The following ATAD2B variants were observed in gnomAD, a reference collection of about 807,000 sequenced individuals.
ATAD2B encodes ATPase family AAA domain containing 2B, also known as ATPase family AAA domain-containing protein 2B.
ATAD2B carries 40 observed loss-of-function variants against 167.6 expected under a neutral mutation model. The observed-to-expected ratio is 0.24, with a 90% CI of 0.19 to 0.31. ATAD2B has a LOEUF of 0.31. ATAD2B is among the 10% of genes least tolerant of loss of function. The pLI, the probability that ATAD2B is intolerant of heterozygous loss-of-function variation, is 1.00. For missense variants in ATAD2B, 1,242 were observed against 1,757.2 expected (o/e 0.71, Z 5.24); for synonymous variants, 579 against 596.5 (o/e 0.97, Z 0.43).
intron 13 of ATAD2B, 137 bp downstream of exon 13, chr2:23,857,278 A>T (rs1231233014): frequency 1.2e-5 from 6 of 508,860 alleles, no homozygotes; most frequent in Non-Finnish European, 1.4e-5. Context: ...CTGTACTAAG[A>T]GAAAGAAGTA....
chr2:23,851,255 C>T (rs1692515422), intron 13 of ATAD2B, among the ~76,000 whole-genome samples: 2 of 152,182 alleles, frequency 1.3e-5, no homozygotes, highest in South Asian at 4.1e-4. Context: ...AAGTGATCCT[C>T]TCACGTCAGC....
At chr2:23,793,384 C>T (rs570825060) in intron 19 of ATAD2B, among the ~76,000 whole-genome samples, 1 of 152,290 alleles carries the variant, frequency 6.6e-6, no homozygotes, top group African/African-American at 2.4e-5. Context: ...ACATTCCTTC[C>T]TACAAATATC....
the ATAD2B span, among the ~76,000 whole-genome samples, chr2:23,686,801 G>C: frequency 1.3e-5 from 2 of 152,150 alleles, no homozygotes; most frequent in Admixed American, 1.3e-4. Flanking sequence ...GGGCTGGGGG[G>C]CCTTCAGCAT....
At chr2:23,718,625 G>C in the ATAD2B span, among the ~76,000 whole-genome samples, 1 of 152,132 alleles carries the variant, frequency 6.6e-6, no homozygotes, top group African/African-American at 2.4e-5. Context: ...TAGTGTCCTA[G>C]GATTGTTATA....
At position 23,857,523 on chromosome 2, in the gene ATAD2B, T is replaced by C. The variant is rs1394505077; in HGVS notation, c.1480-20A>G. ...ATATGCCTAGTAAGAAGAAAACAAA[T>C]AATATTTATTGTATTTGTTTTCATT... On this transcript the variant is annotated intron_variant, in intron 12 of 27. Transcript: ENST00000238789. 5.4e-6 allele frequency: 6 copies of C among 1,113,076 alleles called. No individual in the cohort carries two copies. 68.9% of individuals were successfully genotyped at this position (1,113,076 alleles called of 1,614,324 possible). A position where few individuals can be genotyped will look rare whatever the true frequency, so the allele number is the denominator to read the frequency against.
At chr2:23,773,527 A>AG (rs1678658580) in intron 22 of ATAD2B, among the ~76,000 whole-genome samples, 1 of 152,164 alleles carries the variant, frequency 6.6e-6, no homozygotes. Flanking sequence ...CTCTTGCGGG[A>AG]GGGAAAAAAA....
At chr2:23,703,798 C>T in the ATAD2B span, 1 of 1,537,520 alleles carries the variant, frequency 6.5e-7, no homozygotes, top group East Asian at 2.4e-5. Context: ...CTACCACCAT[C>T]TACGACCCTG....
intron 2 of ATAD2B, among the ~76,000 whole-genome samples, chr2:23,893,910 T>G (rs1450338011): frequency 2.0e-5 from 3 of 151,952 alleles, no homozygotes; most frequent in Non-Finnish European, 4.4e-5. Context: ...GCAATCCTCC[T>G]GCCTTGGCCT....
chr2:23,769,752 G>T (rs1572679618), intron 22 of ATAD2B, among the ~76,000 whole-genome samples: 1 of 119,176 alleles, frequency 8.4e-6, no homozygotes, highest in East Asian at 2.7e-4. Context: ...GTCTCATTCT[G>T]TCGCCCAGGC....
the ATAD2B span, among the ~76,000 whole-genome samples, chr2:23,698,279 C>CCAA: frequency 1.4e-5 from 2 of 146,010 alleles, no homozygotes; most frequent in East Asian, 4.2e-4. Context: ...CCAGAGTCTG[C>CCAA]CAACTGTCCT....
the ATAD2B span, chr2:23,698,009 T>A: frequency 2.6e-5 from 4 of 152,226 alleles, no homozygotes; most frequent in African/African-American, 9.6e-5. Flanking sequence ...TTTGCAAACT[T>A]ATACTGTTGA....
At chr2:23,768,183 T>A (rs1176456983) in intron 22 of ATAD2B, among the ~76,000 whole-genome samples, 2 of 149,276 alleles carry the variant, frequency 1.3e-5, no homozygotes, top group Non-Finnish European at 3.0e-5. Flanking sequence ...ATACTTAAAG[T>A]ATACAATTTG....
At chr2:23,812,308 CAAAAAA>C (rs61415389) in intron 17 of ATAD2B, among the ~76,000 whole-genome samples, 12 of 140,846 alleles carry the variant, frequency 8.5e-5, no homozygotes, top group African/African-American at 3.1e-4. Flanking sequence ...CTATTCACTG[CAAAAAA>C]AAAAAAAAAT....
rs748401809 is a variant in ATAD2B at position 23,765,549 on chromosome 2, A to C, written c.3213T>G (p.Phe1071Leu). Residue 1071 changes from phenylalanine (F) to leucine (L), a missense_variant, in exon 23 of 28, where the codon TTT becomes TTG. Coordinates refer to ENST00000238789, the MANE Select transcript of ATAD2B (RefSeq NM_017552.4). ...AIIAAELDPE[F>L]NKLCEEIKEA... The stretch of plus-strand genomic sequence containing the variant: ...CCTTAATTTCCTCACAAAGTTTATT[A>C]AATTCTGGATCTAATTCAGCTGCAA... 1 of 1,581,750 alleles carries C rather than the reference A, an allele frequency of 6.3e-7. No individual in the cohort carries two copies. Among genetic ancestry groups the C allele is most frequent in the South Asian group, 1.1e-5 (1 of 87,060 alleles).
At chr2:23,695,553 C>A in the ATAD2B span, 5 of 1,078,538 alleles carry the variant, frequency 4.6e-6, no homozygotes, top group African/African-American at 7.9e-5. This position sits in a 1 kb window ranked among gnomAD's most constrained non-coding sequence, Gnocchi z 7.6. Context: ...AGCCCCACAC[C>A]ATTTCTTTCC....
chr2:23,762,677 C>T (rs1676898200), intron 23 of ATAD2B, among the ~76,000 whole-genome samples: 1 of 152,116 alleles, frequency 6.6e-6, no homozygotes, highest in South Asian at 2.1e-4. Context: ...AAATAATGAC[C>T]TCTGCCATCT....
chr2:23,780,304 T>TGTG (rs761510455), intron 22 of ATAD2B, among the ~76,000 whole-genome samples: 2 of 136,060 alleles, frequency 1.5e-5, no homozygotes, highest in African/African-American at 2.7e-5. Context: ...TGTGTGTGTG[T>TGTG]TATATAAAAT....
At chr2:23,785,817 A>G in intron 21 of ATAD2B, 1 of 458,214 alleles carries the variant, frequency 2.2e-6, no homozygotes. Flanking sequence ...ATAATAATTA[A>G]GAGGCCAATA....
chr2:23,781,974 C>G (rs1174257490), intron 22 of ATAD2B, among the ~76,000 whole-genome samples: 5 of 152,112 alleles, frequency 3.3e-5, no homozygotes, highest in Non-Finnish European at 5.9e-5. Context: ...CCACCACACA[C>G]AGCTAATTTT....
Sources: gnomAD v4.1 joint callset for allele counts (sites outside exome capture counted in the v4.1 genomes callset) on GRCh38, gnomAD v4.1.1 for gene constraint, Gnocchi (gnomAD v3.1) non-coding constraint, MANE v1.5 for transcripts, NCBI Gene and HGNC (gene_info 2026-07-23, HGNC 2026-07-21) for gene names.